Variants in MROH9 observed in about 807,000 individuals in gnomAD.
MROH9 encodes the protein maestro heat like repeat family member 9, also known as maestro heat-like repeat-containing protein family member 9.
A neutral mutation model predicts 98.2 loss-of-function variants in MROH9; 92 were observed. The ratio of observed to expected loss-of-function variants is 0.94; its 90% CI spans 0.79 to 1.11. The LOEUF (loss-of-function observed/expected upper bound fraction) is 1.11, where lower values mean the gene tolerates loss of function less well. Ranked by LOEUF, MROH9 falls within the 50% of genes most tolerant of loss-of-function variation. The pLI is 0.00. For missense variants in MROH9, 1,057 were observed against 1,014.8 expected (o/e 1.04, Z -0.57); for synonymous variants, 397 against 368.9 (o/e 1.08, Z -0.87).
At chr1:171,015,144 T>G (rs1040508276) in intron 16 of MROH9, 65 of 448,602 alleles carry the variant, frequency 1.4e-4, no homozygotes, top group African/African-American at 1.2e-3. Flanking sequence ...GTTTATCTAA[T>G]GAGCATAGTC....
intron 8 of MROH9, among the ~76,000 whole-genome samples, chr1:170,974,554 TA>T (rs1169381005): frequency 1.1e-4 from 16 of 152,028 alleles, no homozygotes; most frequent in Admixed American, 6.6e-4. Context: ...CTAGAATCCT[TA>T]AACCAGTAGA....
intron 1 of MROH9, among the ~76,000 whole-genome samples, chr1:170,942,252 C>T (rs61815205): frequency 0.037 from 5,690 of 151,888 alleles, 156 homozygotes; most frequent in Middle Eastern, 0.061. Context: ...AGTCTAGTTA[C>T]GGGTCTAGAA....
intron 15 of MROH9, among the ~76,000 whole-genome samples, chr1:171,012,578 C>G (rs1366131326): frequency 2.0e-5 from 3 of 150,494 alleles, no homozygotes; most frequent in Non-Finnish European, 4.4e-5. Context: ...TCTCGGCTCA[C>G]CGCAAGCTCC....
rs760104233 is a variant in MROH9, at chr1:170,998,217, A to G, written c.1539A>G (p.Ser513=). Residue 513 remains serine (S), a synonymous_variant, in exon 15 of 22, where the codon TCA becomes TCG. Coordinates refer to ENST00000367759, the MANE Select transcript of MROH9 (RefSeq NM_001163629.2). ...CCCTGAGTTATCTCTATAAGCTCTC[A>G]GTAGAAGGTCCTAGAAGGTCAGAAG... The part of the protein sequence containing the change: ...PETLSYLYKL[S]VEGPRRSEDT... 6 of 1,613,342 alleles carry G rather than the reference A, an allele frequency of 3.7e-6. No homozygotes were observed. Among genetic ancestry groups the G allele is most frequent in the South Asian group, 1.1e-5 (1 of 91,034 alleles).
chr1:170,993,680 T>C (rs1651449508), intron 12 of MROH9, among the ~76,000 whole-genome samples: 1 of 151,848 alleles, frequency 6.6e-6, no homozygotes, highest in South Asian at 2.1e-4. Flanking sequence ...ATAAAATAAA[T>C]GTGAACATAT....
chr1:171,060,180 CCAATA>C (rs1281553929), intron 20 of MROH9, among the ~76,000 whole-genome samples: 5 of 152,000 alleles, frequency 3.3e-5, no homozygotes, highest in African/African-American at 9.7e-5. Context: ...TTAAAAAATA[CCAATA>C]CAATAGCACC....
chr1:170,989,946 G>A lies in MROH9; in HGVS notation c.971G>A (p.Cys324Tyr). 1 of 1,613,460 alleles carries A rather than the reference G, an allele frequency of 6.2e-7. No homozygotes were observed. Residue 324 changes from cysteine (C) to tyrosine (Y), a missense_variant, in exon 11 of 22, where the codon TGC becomes TAC. Cys to Tyr is a radical substitution (Grantham distance 194). Coordinates refer to ENST00000367759, the MANE Select transcript of MROH9 (RefSeq NM_001163629.2). The stretch of plus-strand genomic sequence containing the variant: ...TTGCAGGTTATCACTTTGTTGACAT[G>A]CACTTCACCCAAGAAGGTCATCTTT... ...VMLQVITLLT[C>Y]TSPKKVIFQL... is the part of the protein sequence containing the mutation.
At chr1:170,982,479 G>A (rs1478010514) in intron 8 of MROH9, among the ~76,000 whole-genome samples, 5 of 152,136 alleles carry the variant, frequency 3.3e-5, no homozygotes, top group African/African-American at 1.2e-4. Flanking sequence ...GGTGTGAGGG[G>A]TTACAAAAGG....
Position 170,945,597 on chromosome 1 carries a change from A to G in MROH9, c.25+16A>G, listed in dbSNP as rs149089755. On this transcript the variant is annotated intron_variant, in intron 2 of 21. Transcript: ENST00000367759. ...CCAAAAACAAGTAAGGCTTTAGGAC[A>G]CAATAGAGATGGGAGAAGGTATTTT... is the stretch of plus-strand genomic sequence containing the variant. The G allele has an allele frequency of 4.6e-5, 74 of 1,609,352 alleles. No individual in the cohort carries two copies. The highest frequency in any genetic ancestry group is 2.7e-4 in the East Asian group (12 of 44,720).
At chr1:170,991,221 A>C (rs1251988287) in intron 11 of MROH9, among the ~76,000 whole-genome samples, 2 of 152,144 alleles carry the variant, frequency 1.3e-5, no homozygotes, top group Non-Finnish European at 2.9e-5. Flanking sequence ...CTATGTGAGG[A>C]TTGAGGTAGA....
Position 170,964,541 on chromosome 1 carries a change from T to C in MROH9, c.376-610T>C, listed in dbSNP as rs1571455854. The stretch of plus-strand genomic sequence containing the variant: ...ATTGGCATATGAGGCATATGCAGTA[T>C]TCTTCCCTTTTCAAGGTTGTAAATG... On this transcript the variant is annotated intron_variant, in intron 6 of 21. Coordinates refer to ENST00000367759, the MANE Select transcript of MROH9 (RefSeq NM_001163629.2). 3.3e-5 allele frequency among the ~76,000 whole-genome samples: 5 copies of C among 152,222 alleles called. No homozygotes were observed. The South Asian group carries it at 8.3e-4, about 25-fold the overall frequency.
chr1:170,962,738 T>A (rs935749570), intron 6 of MROH9, among the ~76,000 whole-genome samples: 23 of 152,144 alleles, frequency 1.5e-4, no homozygotes, highest in Non-Finnish European at 3.1e-4. Flanking sequence ...CTGTTTTTTT[T>A]AATTCATTTA....
rs114516006 is a variant in MROH9, at chr1:170,976,706, G to A, written c.616+4823G>A. 2.1e-3 allele frequency among the ~76,000 whole-genome samples: 324 copies of A among 152,262 alleles called. 1 individual carries two copies. Among genetic ancestry groups the A allele is most frequent in the African/African-American group, 7.3e-3 (305 of 41,564 alleles). ...TTTTTATTTTGACCTTGGAGAATCTGATGATTATGTGTCTTGGGGATGTAG... is the reference window on the plus strand; with the variant it reads ...TTTTTATTTTGACCTTGGAGAATCTAATGATTATGTGTCTTGGGGATGTAG... On this transcript the variant is annotated intron_variant, in intron 8 of 21. Coordinates refer to ENST00000367759, the MANE Select transcript of MROH9 (RefSeq NM_001163629.2).
intron 12 of MROH9, among the ~76,000 whole-genome samples, chr1:170,993,073 T>G (rs959620979): frequency 6.6e-6 from 1 of 152,164 alleles, no homozygotes; most frequent in Non-Finnish European, 1.5e-5. Flanking sequence ...GGCAAAATCC[T>G]GAACACCATA....
intron 7 of MROH9, among the ~76,000 whole-genome samples, chr1:170,968,120 G>A (rs1421570294): frequency 6.6e-6 from 1 of 152,188 alleles, no homozygotes; most frequent in Non-Finnish European, 1.5e-5. Flanking sequence ...GAGCATTAGG[G>A]TAGGAGTTAG....
intron 1 of MROH9, among the ~76,000 whole-genome samples, chr1:170,937,958 C>G (rs1325486792): frequency 6.6e-6 from 1 of 152,140 alleles, no homozygotes; most frequent in Non-Finnish European, 1.5e-5. Flanking sequence ...GTAGTCCTAC[C>G]TGCACTGGGT....
rs748040552 is a variant in MROH9, at chr1:170,959,586, G to A, written c.277G>A (p.Glu93Lys). ...AATGGGGAGCAGTTATGAGTACATT[G>A]AGGACATGGAGGTAAAATTTTTCTT... ...KEMGSSYEYI[E>K]DMENLYHNIL... Residue 93 changes from glutamate (E) to lysine (K), a missense_variant, in exon 5 of 22, where the codon GAG (glutamate) becomes AAG (lysine). Glu to Lys is a moderately conservative substitution (Grantham distance 56). Coordinates refer to ENST00000367759, the MANE Select transcript of MROH9 (RefSeq NM_001163629.2). 9 of 1,611,452 alleles carry A rather than the reference G, an allele frequency of 5.6e-6. No homozygotes were observed. The highest frequency in any genetic ancestry group is 7.6e-6 in the Non-Finnish European group (9 of 1,179,228).
intron 20 of MROH9, among the ~76,000 whole-genome samples, chr1:171,046,558 C>A (rs973722633): frequency 6.6e-6 from 1 of 152,122 alleles, no homozygotes; most frequent in Non-Finnish European, 1.5e-5. Flanking sequence ...AAACAAGATG[C>A]CTTAATTTCA....
chr1:171,048,159 C>A (rs912140726), intron 20 of MROH9, among the ~76,000 whole-genome samples: 2 of 152,110 alleles, frequency 1.3e-5, no homozygotes, highest in Non-Finnish European at 2.9e-5. Flanking sequence ...CACTCTCTGG[C>A]CTATGTTCTC....
Sources: allele counts gnomAD v4.1 joint callset (sites outside exome capture counted in the v4.1 genomes callset), GRCh38; gene constraint gnomAD v4.1.1; transcripts MANE v1.5; gene names NCBI Gene and HGNC (gene_info 2026-07-23, HGNC 2026-07-21).